Variants in ZSCAN4 observed in about 807,000 individuals in gnomAD.
ZSCAN4 encodes the protein zinc finger and SCAN domain-containing protein 4.
ZSCAN4 carries 18 observed loss-of-function variants against 18.3 expected under a neutral mutation model. The ratio of observed to expected loss-of-function variants is 0.98; its 90% CI spans 0.68 to 1.46. The LOEUF (loss-of-function observed/expected upper bound fraction) is 1.46. ZSCAN4 is among the 40% of genes most tolerant of loss of function. The pLI is 0.00. For missense variants in ZSCAN4, 498 were observed against 511.4 expected (o/e 0.97, Z 0.25); for synonymous variants, 193 against 180.3 (o/e 1.07, Z -0.57).
chr19:57,669,540 G>T (rs1310551652), intron 1 of ZSCAN4, among the ~76,000 whole-genome samples: 1 of 151,788 alleles, frequency 6.6e-6, no homozygotes, highest in Non-Finnish European at 1.5e-5. Flanking sequence ...CAATTCTTCT[G>T]CTCAGCCTCC....
chr19:57,669,010 T>C (rs546337486), exon 1 of ZSCAN4: 2 of 151,556 alleles, frequency 1.3e-5, no homozygotes, highest in Non-Finnish European at 2.9e-5. Flanking sequence ...TAATTTATAA[T>C]AAAACTTGAT....
At chr19:57,674,613 T>A (rs1984122002) in intron 2 of ZSCAN4, among the ~76,000 whole-genome samples, 1 of 152,220 alleles carries the variant, frequency 6.6e-6, no homozygotes, top group East Asian at 1.9e-4. Context: ...CTCCTGTGAC[T>A]AGTGCTGCAA....
chr19:57,679,050 CATGGAATT>C, exon 5 of ZSCAN4: 2 of 991,066 alleles, frequency 2.0e-6, no homozygotes, highest in South Asian at 3.2e-5. Context: ...CTAAGGAGAG[CATGGAATT>C]TGTCAGTTTT....
exon 5 of ZSCAN4, chr19:57,678,680 G>C (rs139172552): frequency 6.2e-7 from 1 of 1,614,146 alleles, no homozygotes; most frequent in Non-Finnish European, 8.5e-7. Flanking sequence ...GGGTGCATCA[G>C]ATAATTCACA....
chr19:57,657,786 CATAATTTAAATT>C, the ZSCAN4 span, among the ~76,000 whole-genome samples: 2 of 152,250 alleles, frequency 1.3e-5, no homozygotes, highest in South Asian at 2.1e-4. Flanking sequence ...TATCCTCCCA[CATAATTTAAATT>C]ATAATTTAAA....
the ZSCAN4 span, among the ~76,000 whole-genome samples, chr19:57,651,670 G>C: frequency 6.6e-6 from 1 of 152,160 alleles, no homozygotes; most frequent in Non-Finnish European, 1.5e-5. Context: ...GACGACGCTT[G>C]GGTTCACTTG....
At chr19:57,661,565 A>G in the ZSCAN4 span, among the ~76,000 whole-genome samples, 3 of 152,236 alleles carry the variant, frequency 2.0e-5, no homozygotes, top group Non-Finnish European at 4.4e-5. Flanking sequence ...ATTCAATGGC[A>G]TAAGTGGTTT....
chr19:57,654,713 C>A, the ZSCAN4 span, among the ~76,000 whole-genome samples: 1 of 152,208 alleles, frequency 6.6e-6, no homozygotes, highest in Non-Finnish European at 1.5e-5. Flanking sequence ...ACCTCCACCA[C>A]TCATTTATCT....
At chr19:57,678,835 A>G in exon 5 of ZSCAN4, 1 of 1,613,602 alleles carries the variant, frequency 6.2e-7, no homozygotes, top group South Asian at 1.1e-5. Flanking sequence ...TCATCCACAT[A>G]CCACCGCCAT....
chr19:57,661,235 A>G, the ZSCAN4 span, among the ~76,000 whole-genome samples: 7 of 152,156 alleles, frequency 4.6e-5, no homozygotes, highest in African/African-American at 1.7e-4. Context: ...GACACACTAT[A>G]CCCCTCCTTC....
At chr19:57,673,111 C>T (rs1417893117) in intron 2 of ZSCAN4, among the ~76,000 whole-genome samples, 8 of 151,932 alleles carry the variant, frequency 5.3e-5, no homozygotes, top group Non-Finnish European at 1.0e-4. Context: ...TGCAGTGGCA[C>T]GATCTCGGCT....
At chr19:57,673,508 T>G (rs1600006897) in intron 2 of ZSCAN4, among the ~76,000 whole-genome samples, 1 of 152,214 alleles carries the variant, frequency 6.6e-6, no homozygotes, top group Non-Finnish European at 1.5e-5. Context: ...GGTGCGTGCC[T>G]GTAGTCCCAG....
At chr19:57,663,315 A>G in the ZSCAN4 span, among the ~76,000 whole-genome samples, 5 of 151,950 alleles carry the variant, frequency 3.3e-5, no homozygotes, top group Non-Finnish European at 5.9e-5. Flanking sequence ...AATAAGTCCC[A>G]ATATTTACAT....
intron 1 of ZSCAN4, 141 bp from the exon 2 acceptor site, chr19:57,670,104 T>C (rs1983972989): frequency 6.6e-6 from 1 of 152,226 alleles, no homozygotes; most frequent in African/African-American, 2.4e-5. Context: ...GGTTTCACCA[T>C]GTTGGCCAGG....
At chr19:57,667,059 C>T (rs562293577), upstream of ZSCAN4, among the ~76,000 whole-genome samples, 7 of 152,306 alleles carry the variant, frequency 4.6e-5, no homozygotes, top group Admixed American at 6.5e-5. Context: ...AACGGGTCAT[C>T]TATTTTTACC....
In ZSCAN4 at chr19:57,674,419, C is replaced by T. The variant is rs561963597; in HGVS notation, c.-105-1622C>T. 1.7e-4 allele frequency among the ~76,000 whole-genome samples: 26 copies of T among 152,258 alleles called. No homozygotes were observed. The East Asian group carries it at 1.9e-3, about 11-fold the overall frequency. ...GCTTCTACTTATAAGTGAGAACATG[C>T]GGTATTTGGTTTTCTGTTTCTGAGT... is the stretch of plus-strand genomic sequence containing the variant. On this transcript the variant is annotated intron_variant, in intron 2 of 4. Transcript: ENST00000318203.
chr19:57,679,017 TCTTG>T, exon 5 of ZSCAN4: 1 of 1,261,112 alleles, frequency 7.9e-7, no homozygotes. Context: ...CAATTTATTG[TCTTG>T]CTTCATTAAA....
the ZSCAN4 span, among the ~76,000 whole-genome samples, chr19:57,657,359 T>G: frequency 2.0e-5 from 3 of 150,878 alleles, no homozygotes; most frequent in Non-Finnish European, 4.4e-5. Context: ...GAATGGTATA[T>G]AAATGCATGA....
Position 57,676,453 on chromosome 19 carries a change from G to A in ZSCAN4, c.308G>A (p.Ser103Asn). 8 of 1,614,222 alleles carry A rather than the reference G, an allele frequency of 5.0e-6. No homozygotes were observed. In the South Asian group the frequency reaches 8.8e-5, roughly 18 times the overall value. Residue 103 changes from serine (S) to asparagine (N), a missense_variant, in exon 3 of 5, where the codon AGT becomes AAT. Physicochemically the swap from Ser to Asn is conservative, Grantham distance 46 (BLOSUM62 1). Transcript: ENST00000318203. ...GGTGGCCACTGCAATGACAAAGCCA[G>A]TGTGAAAGAGAAATGGAAATCAAGT...
Sources: gnomAD v4.1 joint callset for allele counts (sites outside exome capture counted in the v4.1 genomes callset) on GRCh38, gnomAD v4.1.1 for gene constraint, MANE v1.5 for transcripts, NCBI Gene and HGNC (gene_info 2026-07-23, HGNC 2026-07-21) for gene names.